Variants in MEIKIN observed in about 807,000 individuals in gnomAD.
MEIKIN encodes the protein meiosis-specific kinetochore protein.
At chr5:131,917,563 CAAAAAAAAAAA>C (rs546218361) in intron 6 of MEIKIN, among the ~76,000 whole-genome samples, 7 of 76,778 alleles carry the variant, frequency 9.1e-5, no homozygotes, top group African/African-American at 3.3e-4. Context: ...TACTCCATCT[CAAAAAAAAAAA>C]AAAAAAAAAA....
intron 10 of MEIKIN, among the ~76,000 whole-genome samples, chr5:131,853,523 T>G (rs1750148373): frequency 6.6e-6 from 1 of 151,970 alleles, no homozygotes; most frequent in African/African-American, 2.4e-5. Context: ...TATGACAAAA[T>G]AAAAAACATT....
chr5:131,942,535 C>T, intron 4 of MEIKIN, 100 bp downstream of exon 4: 1 of 392,444 alleles, frequency 2.5e-6, no homozygotes, highest in Non-Finnish European at 4.5e-6. Context: ...GGAAAAGATA[C>T]CTCTTCCACT....
At chr5:131,840,923 C>G (rs1342276057) in intron 11 of MEIKIN, among the ~76,000 whole-genome samples, 1 of 152,202 alleles carries the variant, frequency 6.6e-6, no homozygotes. Context: ...TAAAGGCACT[C>G]TGGCTTTTTG....
intron 12 of MEIKIN, among the ~76,000 whole-genome samples, chr5:131,810,495 T>C (rs1772933400): frequency 6.6e-6 from 1 of 152,202 alleles, no homozygotes; most frequent in African/African-American, 2.4e-5. Flanking sequence ...CTCTGTGCAT[T>C]TGGGCAAGTC....
At chr5:131,944,804 C>T (rs957854103) in intron 2 of MEIKIN, 52 bp from the exon 3 acceptor site, 1 of 398,900 alleles carries the variant, frequency 2.5e-6, no homozygotes, top group African/African-American at 2.1e-5. Flanking sequence ...TGGCTCTCCA[C>T]GTCTCTGTTC....
chr5:131,814,687 G>T (rs566727442), intron 12 of MEIKIN, among the ~76,000 whole-genome samples: 11 of 152,312 alleles, frequency 7.2e-5, no homozygotes, highest in African/African-American at 2.4e-4. Flanking sequence ...TTTTAATAAT[G>T]AAGTGAATAT....
intron 5 of MEIKIN, among the ~76,000 whole-genome samples, 188 bp downstream of exon 5, chr5:131,933,325 G>C (rs907043647): frequency 1.3e-5 from 2 of 152,176 alleles, no homozygotes; most frequent in African/African-American, 4.8e-5. Flanking sequence ...TCCTTGATCT[G>C]AGGGCTTTTG....
chr5:131,875,584 G>A (rs1050758622), intron 9 of MEIKIN, among the ~76,000 whole-genome samples: 2 of 152,084 alleles, frequency 1.3e-5, no homozygotes, highest in African/African-American at 4.8e-5. Flanking sequence ...GTAATTTATA[G>A]ATTCAATGCC....
intron 12 of MEIKIN, among the ~76,000 whole-genome samples, chr5:131,811,329 G>A (rs1287854708): frequency 2.7e-5 from 4 of 150,432 alleles, no homozygotes; most frequent in African/African-American, 9.8e-5. Context: ...AGTGTTATTT[G>A]TAAACTTTTT....
chr5:131,939,426 A>C (rs1751833628), intron 4 of MEIKIN, among the ~76,000 whole-genome samples: 1 of 151,412 alleles, frequency 6.6e-6, no homozygotes. Flanking sequence ...TCTACCTTCC[A>C]CATTCCAAAC....
chr5:131,829,653 A>G (rs1749679814), intron 11 of MEIKIN, among the ~76,000 whole-genome samples: 1 of 152,196 alleles, frequency 6.6e-6, no homozygotes, highest in Admixed American at 6.5e-5. Flanking sequence ...CCTCCCAAAA[A>G]ATATGTTGAA....
intron 12 of MEIKIN, among the ~76,000 whole-genome samples, chr5:131,812,486 T>C (rs1773014750): frequency 6.6e-6 from 1 of 152,220 alleles, no homozygotes; most frequent in Non-Finnish European, 1.5e-5. Context: ...GGTCAAGTAG[T>C]ATGAGGGACA....
chr5:131,904,697 C>T (rs180698489), intron 8 of MEIKIN, among the ~76,000 whole-genome samples: 17 of 152,240 alleles, frequency 1.1e-4, no homozygotes, highest in African/African-American at 3.1e-4. Context: ...CACACGTATG[C>T]TTATTGCAGC....
intron 11 of MEIKIN, among the ~76,000 whole-genome samples, chr5:131,825,949 A>G (rs1386233376): frequency 6.6e-6 from 1 of 152,250 alleles, no homozygotes; most frequent in Non-Finnish European, 1.5e-5. Flanking sequence ...ATGACTGTCA[A>G]CTTAGAAATG....
chr5:131,841,294 G>A (rs934784818), intron 11 of MEIKIN, among the ~76,000 whole-genome samples: 2 of 152,144 alleles, frequency 1.3e-5, no homozygotes, highest in African/African-American at 4.8e-5. Flanking sequence ...GCCAGCCAAA[G>A]CATTTCATAG....
At chr5:131,915,827 GTTTTCTT>G (rs914940756) in intron 7 of MEIKIN, among the ~76,000 whole-genome samples, 4 of 152,200 alleles carry the variant, frequency 2.6e-5, no homozygotes, top group Middle Eastern at 3.4e-3. Context: ...ATGAAGCTAT[GTTTTCTT>G]TGCACATGTA....
intron 7 of MEIKIN, among the ~76,000 whole-genome samples, chr5:131,915,782 A>T (rs1158170375): frequency 1.3e-5 from 2 of 152,160 alleles, no homozygotes; most frequent in Non-Finnish European, 2.9e-5. Flanking sequence ...AGGGTTTAAG[A>T]GAAGTTTAGA....
intron 11 of MEIKIN, among the ~76,000 whole-genome samples, chr5:131,825,240 G>A (rs1749592080): frequency 6.6e-6 from 1 of 152,026 alleles, no homozygotes; most frequent in African/African-American, 2.4e-5. Context: ...ACACATTCCA[G>A]TAAAATTATA....
chr5:131,868,307 A>T (rs868557465), intron 9 of MEIKIN, among the ~76,000 whole-genome samples: 1 of 151,936 alleles, frequency 6.6e-6, no homozygotes, highest in East Asian at 1.9e-4. Context: ...CTAGTCTTGA[A>T]CCCTGGGCTA....
Sources: gnomAD v4.1 joint callset for allele counts (sites outside exome capture counted in the v4.1 genomes callset) on GRCh38, gnomAD v4.1.1 for gene constraint, MANE v1.5 for transcripts, NCBI Gene and HGNC (gene_info 2026-07-23, HGNC 2026-07-21) for gene names.